Variants in EGLN1 observed in about 807,000 individuals in gnomAD.
EGLN1 encodes the protein egl-9 family hypoxia inducible factor 1.
Under a neutral mutation model 38.3 loss-of-function variants are expected in EGLN1, and 17 were observed. The observed-to-expected ratio is 0.44, with a 90% CI of 0.30 to 0.67. The LOEUF is 0.67. EGLN1 is among the 30% of genes least tolerant of loss of function. The pLI, the probability that EGLN1 is intolerant of heterozygous loss-of-function variation, is 0.08. For missense variants in EGLN1, 477 were observed against 603.3 expected (o/e 0.79, Z 2.19); for synonymous variants, 283 against 257.5 (o/e 1.10, Z -0.95).
At chr1:231,403,951 T>A (rs1267464372) in intron 1 of EGLN1, among the ~76,000 whole-genome samples, 1 of 151,818 alleles carries the variant, frequency 6.6e-6, no homozygotes, top group East Asian at 2.0e-4. Flanking sequence ...AAGAAAAACA[T>A]AGGTATGAAT....
Position 231,421,303 on chromosome 1 carries a change from C to G in EGLN1, c.586G>C (p.Glu196Gln). The change falls in exon 1 of 5, where the codon GAG becomes CAG. Residue 196 changes from glutamate (E) to glutamine (Q), a missense_variant. Glu to Gln is a conservative substitution (Grantham distance 29, BLOSUM62 2). Coordinates refer to ENST00000366641, the MANE Select transcript of EGLN1 (RefSeq NM_022051.3). The surrounding 1 kb of genome is among the most constrained non-coding windows in gnomAD (Gnocchi z 5.5). ...TTGTTCATGCACGGCACGATGTACT[C>G]GAGCGCCAGCTTCAGCGCCGGCAGG... ...KPLPALKLALEYIVPCMNKHG... is the reference protein window; with the variant it reads ...KPLPALKLALQYIVPCMNKHG... 1 of 1,613,100 alleles carries G rather than the reference C, an allele frequency of 6.2e-7. No individual in the cohort carries two copies. Among genetic ancestry groups the G allele is most frequent in the Non-Finnish European group, 8.5e-7 (1 of 1,179,866 alleles).
At position 231,380,973 on chromosome 1, in the gene EGLN1, G is replaced by A. The variant is rs1688067016; in HGVS notation, c.892-6874C>T. On this transcript the variant is annotated intron_variant, in intron 1 of 4. Transcript: ENST00000366641. ...CTCACTCTGTCACCCAGGCTGGAGT[G>A]CAGTGGCGTGATCATGGTTCACTGC... Among the ~76,000 whole-genome samples, 3 of 152,120 alleles carry A rather than the reference G, an allele frequency of 2.0e-5. No individual in the cohort carries two copies. The South Asian group carries it at 6.2e-4, about 32-fold the overall frequency.
intron 1 of EGLN1, among the ~76,000 whole-genome samples, chr1:231,398,748 TG>T (rs35942289): frequency 0.55 from 82,825 of 151,880 alleles, 24,201 homozygotes; most frequent in Non-Finnish European, 0.65. Context: ...TCACGGCTAC[TG>T]GGGGAAAAAA....
intron 3 of EGLN1, among the ~76,000 whole-genome samples, chr1:231,368,565 G>C (rs2066140): frequency 0.55 from 83,047 of 152,038 alleles, 24,268 homozygotes; most frequent in Non-Finnish European, 0.65. Flanking sequence ...CATACTTTCT[G>C]ATACAAATAA....
intron 2 of EGLN1, 63 bp from the exon 3 acceptor site, chr1:231,370,761 G>A (rs999192277): frequency 1.0e-5 from 16 of 1,562,182 alleles, no homozygotes; most frequent in South Asian, 1.0e-4. Flanking sequence ...TAAATTTAGG[G>A]GGAAAAAAAG....
Position 231,422,116 on chromosome 1 carries a change from G to T in EGLN1, c.-228C>A, listed in dbSNP as rs1656655175. The T allele has an allele frequency of 7.8e-6, 3 of 386,542 alleles. No homozygotes were observed. The allele number at this position is 386,542 out of a possible 1,614,324, so 23.9% of individuals were successfully genotyped here. A position where few individuals can be genotyped will look rare whatever the true frequency, so the allele number is the denominator to read the frequency against. On this transcript the variant is annotated 5_prime_UTR_variant, in exon 1 of 5. Coordinates refer to ENST00000366641, the MANE Select transcript of EGLN1 (RefSeq NM_022051.3). The stretch of plus-strand genomic sequence containing the variant: ...GCAGCCGCCTCAGCGCCTCATCGCC[G>T]CCGAGGGCTGAGAGAATAGGGCCTG...
chr1:231,382,412 AT>A (rs1318253988), intron 1 of EGLN1, among the ~76,000 whole-genome samples: 1 of 152,224 alleles, frequency 6.6e-6, no homozygotes, highest in African/African-American at 2.4e-5. Flanking sequence ...AAAGCTTGTA[AT>A]CAAAAACCCT....
chr1:231,420,817 G>A (rs1400630460), intron 1 of EGLN1, among the ~76,000 whole-genome samples, 181 bp downstream of exon 1: 2 of 152,116 alleles, frequency 1.3e-5, no homozygotes, highest in African/African-American at 4.8e-5. Flanking sequence ...ATACAAAGGG[G>A]CTAACTAGAT....
chr1:231,400,640 T>C (rs1008380695), intron 1 of EGLN1, among the ~76,000 whole-genome samples: 6 of 152,230 alleles, frequency 3.9e-5, no homozygotes, highest in African/African-American at 1.4e-4. Flanking sequence ...GCTGGGTTTT[T>C]CCTTGAGTGT....
chr1:231,387,074 G>T (rs1215067599), intron 1 of EGLN1, among the ~76,000 whole-genome samples: 1 of 151,236 alleles, frequency 6.6e-6, no homozygotes, highest in East Asian at 2.0e-4. Flanking sequence ...GCCCAGGGTG[G>T]TCTCAAACTC....
rs1271450622 is a variant in EGLN1, at chr1:231,367,649, T to A, written c.1149-13A>T. 1 of 1,611,818 alleles carries A rather than the reference T, an allele frequency of 6.2e-7. No homozygotes were observed. The highest frequency in any genetic ancestry group is 1.3e-5 in the African/African-American group (1 of 74,876). ...AGTTATTGCGTACCTAAAAGAAAAT[T>A]TAGAATAGGATAAGAATGATCACAC... On this transcript the variant is annotated splice_polypyrimidine_tract_variant and intron_variant, in intron 3 of 4. Transcript: ENST00000366641.
At chr1:231,397,465 C>T (rs1688559026) in intron 1 of EGLN1, among the ~76,000 whole-genome samples, 1 of 152,194 alleles carries the variant, frequency 6.6e-6, no homozygotes, top group African/African-American at 2.4e-5. Flanking sequence ...CAAATATGGC[C>T]TACCACTGAT....
intron 1 of EGLN1, among the ~76,000 whole-genome samples, chr1:231,381,952 C>T (rs1030821268): frequency 6.6e-6 from 1 of 152,130 alleles, no homozygotes; most frequent in Admixed American, 6.5e-5. Context: ...TGATCCCCAC[C>T]CAGGGAATTA....
chr1:231,416,895 G>A (rs1689097890), intron 1 of EGLN1, among the ~76,000 whole-genome samples: 3 of 152,138 alleles, frequency 2.0e-5, no homozygotes. Context: ...CTTAAATTCT[G>A]ACATAGTTAT....
chr1:231,406,828 G>A (rs2102932145), intron 1 of EGLN1, among the ~76,000 whole-genome samples: 1 of 152,214 alleles, frequency 6.6e-6, no homozygotes. Context: ...AAACAAAGTT[G>A]TGAGACGCTA....
At chr1:231,384,406 A>G (rs1258246950) in intron 1 of EGLN1, among the ~76,000 whole-genome samples, 1 of 38,228 alleles carries the variant, frequency 2.6e-5, no homozygotes, top group African/African-American at 4.5e-5. Flanking sequence ...CATTACGAAG[A>G]AAAAAAAAAA....
chr1:231,395,432 T>C (rs1461168912), intron 1 of EGLN1, among the ~76,000 whole-genome samples: 1 of 152,206 alleles, frequency 6.6e-6, no homozygotes, highest in East Asian at 1.9e-4. Flanking sequence ...ACTTAGTAAG[T>C]ATTTTAAGTT....
intron 1 of EGLN1, among the ~76,000 whole-genome samples, chr1:231,391,756 C>T (rs1688392554): frequency 6.6e-6 from 1 of 151,932 alleles, no homozygotes; most frequent in Non-Finnish European, 1.5e-5. Flanking sequence ...CTTAAAAACA[C>T]ACTATTAGCT....
rs979881207 is a variant in EGLN1, at chr1:231,416,167, AT to A, written c.891+4830del. On this transcript the variant is annotated intron_variant, in intron 1 of 4. Transcript: ENST00000366641. ...CACCTGGCCCCTTTCTTTCTTAATA[AT>A]TTTTTTTTTAATAGAGATGAGGTAT... Among the ~76,000 whole-genome samples the A allele has an allele frequency of 1.9e-4, 29 of 149,548 alleles. No homozygotes were observed. The East Asian group carries it at 2.9e-3, about 15-fold the overall frequency.
Sources: gnomAD v4.1 joint callset for allele counts (sites outside exome capture counted in the v4.1 genomes callset) on GRCh38, gnomAD v4.1.1 for gene constraint, Gnocchi (gnomAD v3.1) non-coding constraint, MANE v1.5 for transcripts, NCBI Gene and HGNC (gene_info 2026-07-23, HGNC 2026-07-21) for gene names.